The following KIAA1217 variants were observed in gnomAD, a reference collection of about 807,000 sequenced individuals.
The protein encoded by KIAA1217 is sickle tail protein homolog.
A neutral mutation model predicts 163.9 loss-of-function variants in KIAA1217; 88 were observed. The observed-to-expected ratio is 0.54, with a 90% CI of 0.45 to 0.64. The LOEUF (loss-of-function observed/expected upper bound fraction) is 0.64, where lower values mean the gene tolerates loss of function less well. KIAA1217 is among the 30% of genes least tolerant of loss of function. The probability of loss-of-function intolerance (pLI) is 0.00; values close to 1 mark genes in which losing one functional copy is unlikely to be tolerated. For missense variants in KIAA1217, 2,372 were observed against 2,475.0 expected, an observed-to-expected ratio of 0.96 and a Z score of 0.88; for synonymous variants, 903 against 923.1, an observed-to-expected ratio of 0.98 and a Z score of 0.39.
chr10:23,973,519 A>G (rs1036337056), intron 1 of KIAA1217, among the ~76,000 whole-genome samples: 4 of 152,256 alleles, frequency 2.6e-5, no homozygotes, highest in Non-Finnish European at 4.4e-5. Flanking sequence ...CCAACCTCCC[A>G]TAGGGATTGT....
In KIAA1217 at chr10:24,515,898, C is replaced by A. The variant is rs189510786; in HGVS notation, c.2177+2464C>A. Among the ~76,000 whole-genome samples the A allele has an allele frequency of 1.2e-4, 18 of 152,226 alleles. No homozygotes were observed. In the East Asian group the frequency reaches 3.5e-3, roughly 29 times the overall value. On this transcript the variant is annotated intron_variant, in intron 10 of 20. Coordinates refer to ENST00000376454, the MANE Select transcript of KIAA1217 (RefSeq NM_019590.5). ...AACAGGCTGGGCAATATAGCAGGAC[C>A]CTGTCTCTACTAAAAATAAAAAATT... is the stretch of plus-strand genomic sequence containing the variant.
chr10:24,534,667 G>T (rs1292365122), intron 16 of KIAA1217, among the ~76,000 whole-genome samples: 1 of 151,820 alleles, frequency 6.6e-6, no homozygotes, highest in African/African-American at 2.4e-5. Flanking sequence ...ATCACCTGAG[G>T]TCAGGAGTTC....
intron 1 of KIAA1217, among the ~76,000 whole-genome samples, chr10:23,941,824 T>C (rs1374324192): frequency 1.3e-5 from 2 of 152,160 alleles, no homozygotes; most frequent in Admixed American, 6.5e-5. Flanking sequence ...AAATTTTCCA[T>C]TGAAATTTCA....
intron 1 of KIAA1217, among the ~76,000 whole-genome samples, chr10:23,710,570 T>C (rs938769918): frequency 2.6e-5 from 4 of 152,218 alleles, no homozygotes; most frequent in African/African-American, 9.6e-5. Flanking sequence ...ACAAAGCATT[T>C]TGTTCTATGC....
chr10:23,810,031 G>C (rs900223930), intron 1 of KIAA1217, among the ~76,000 whole-genome samples: 5 of 151,936 alleles, frequency 3.3e-5, no homozygotes, highest in African/African-American at 1.2e-4. Flanking sequence ...CTTTATGTTA[G>C]ATGATTTTCC....
At chr10:23,969,187 A>T (rs940889621) in intron 1 of KIAA1217, among the ~76,000 whole-genome samples, 1 of 152,134 alleles carries the variant, frequency 6.6e-6, no homozygotes, top group African/African-American at 2.4e-5. Flanking sequence ...GGCACGCGCC[A>T]CTATGCCTGC....
intron 2 of KIAA1217, among the ~76,000 whole-genome samples, chr10:24,189,359 T>C (rs1017344808): frequency 3.9e-5 from 6 of 152,150 alleles, no homozygotes; most frequent in Non-Finnish European, 7.3e-5. Flanking sequence ...TTCGAAAATA[T>C]GCCCCTGAAA....
chr10:23,867,017 A>G (rs1007475473), intron 1 of KIAA1217, among the ~76,000 whole-genome samples: 1 of 110,336 alleles, frequency 9.1e-6, no homozygotes, highest in Non-Finnish European at 1.8e-5. Flanking sequence ...ACCGCACAAC[A>G]GTCCCCAGAG....
intron 2 of KIAA1217, among the ~76,000 whole-genome samples, chr10:24,185,103 T>C (rs973694739): frequency 2.0e-5 from 3 of 152,212 alleles, no homozygotes; most frequent in Non-Finnish European, 4.4e-5. Flanking sequence ...CTAGTCTCTA[T>C]TCTCCACCAA....
chr10:24,311,288 G>T (rs1398444631), intron 2 of KIAA1217, among the ~76,000 whole-genome samples: 1 of 152,156 alleles, frequency 6.6e-6, no homozygotes, highest in Non-Finnish European at 1.5e-5. Flanking sequence ...GATATTTGGA[G>T]GGTTAAGCAA....
Position 24,527,481 on chromosome 10 carries a change from ACAGAACC to A in KIAA1217, c.2899-452_2899-446del, listed in dbSNP as rs370352432. Among the ~76,000 whole-genome samples, 444 of 146,314 alleles carry A rather than the reference ACAGAACC, an allele frequency of 3.0e-3. 1 individual carries two copies. Among genetic ancestry groups the A allele is most frequent in the African/African-American group, 0.011 (429 of 39,572 alleles). On this transcript the variant is annotated intron_variant, in intron 13 of 20. Coordinates refer to ENST00000376454, the MANE Select transcript of KIAA1217 (RefSeq NM_019590.5). ...GTTTAAGACCAGCCTGGGCAACGTA[ACAGAACC>A]CATTGCTACTTAAAAAAAAAAAAAA...
chr10:24,208,297 T>C (rs917324403), upstream of KIAA1217, among the ~76,000 whole-genome samples: 1 of 151,992 alleles, frequency 6.6e-6, no homozygotes, highest in Non-Finnish European at 1.5e-5. Context: ...TCTTTCAGAT[T>C]TTTGGAGTCG....
intron 1 of KIAA1217, among the ~76,000 whole-genome samples, chr10:23,709,108 A>G (rs553156872): frequency 6.6e-6 from 1 of 152,280 alleles, no homozygotes; most frequent in Non-Finnish European, 1.5e-5. Flanking sequence ...TGCGGTGTTC[A>G]TGGCTTACCC....
At chr10:23,771,993 T>C in intron 1 of KIAA1217, among the ~76,000 whole-genome samples, 1 of 152,242 alleles carries the variant, frequency 6.6e-6, no homozygotes, top group Non-Finnish European at 1.5e-5. Context: ...TAAGAAAGAA[T>C]CTAAAAATAC....
intron 2 of KIAA1217, among the ~76,000 whole-genome samples, chr10:24,242,539 G>A (rs139737637): frequency 5.3e-5 from 8 of 151,994 alleles, no homozygotes; most frequent in Non-Finnish European, 8.8e-5. Flanking sequence ...TGGATAGCAC[G>A]GTGATGAACA....
At chr10:23,893,636 T>C (rs1841519782) in intron 1 of KIAA1217, among the ~76,000 whole-genome samples, 3 of 152,022 alleles carry the variant, frequency 2.0e-5, no homozygotes, top group Admixed American at 2.0e-4. Context: ...TTGAGTGCTA[T>C]AAATTTCCCT....
chr10:23,775,933 A>C (rs1834990410), intron 1 of KIAA1217, among the ~76,000 whole-genome samples: 1 of 152,208 alleles, frequency 6.6e-6, no homozygotes, highest in Non-Finnish European at 1.5e-5. Context: ...TAACTTCTAT[A>C]ACTTCTATAA....
chr10:23,919,878 T>C (rs896073138), intron 1 of KIAA1217, among the ~76,000 whole-genome samples: 10 of 152,110 alleles, frequency 6.6e-5, no homozygotes, highest in African/African-American at 2.4e-4. Flanking sequence ...GCCACCTAGT[T>C]CCTTCCTTCC....
chr10:23,867,412 T>A (rs1471763541), intron 1 of KIAA1217, among the ~76,000 whole-genome samples: 1 of 152,132 alleles, frequency 6.6e-6, no homozygotes, highest in Non-Finnish European at 1.5e-5. Flanking sequence ...TCTAGATCCC[T>A]GAGGAATCGC....
Sources: allele counts gnomAD v4.1 joint callset (sites outside exome capture counted in the v4.1 genomes callset), GRCh38; gene constraint gnomAD v4.1.1; transcripts MANE v1.5; gene names NCBI Gene and HGNC (gene_info 2026-07-23, HGNC 2026-07-21).